Variants in TPO observed in about 807,000 individuals in gnomAD.
The protein encoded by TPO is thyroid peroxidase, also known as thyroid microsomal antigen.
In TPO, 78 loss-of-function variants were observed where a neutral mutation model predicts 96.9. The observed-to-expected ratio is 0.81, with a 90% CI of 0.67 to 0.97. TPO has a LOEUF of 0.97. Ranked by LOEUF, TPO falls within the 50% of genes least tolerant of loss-of-function variation. The pLI is 0.00. For missense variants in TPO, 1,252 were observed against 1,274.8 expected (o/e 0.98, Z 0.27); for synonymous variants, 547 against 538.0 (o/e 1.02, Z -0.23).
chr2:1,514,451 G>A (rs140260498), intron 14 of TPO, among the ~76,000 whole-genome samples: 1 of 152,214 alleles, frequency 6.6e-6, no homozygotes, highest in Non-Finnish European at 1.5e-5. Context: ...AGTGCCCTCT[G>A]TCTGCCCAGG....
chr2:1,493,559 C>T (rs114777867), intron 10 of TPO, among the ~76,000 whole-genome samples: 2,013 of 83,324 alleles, frequency 0.024, 135 homozygotes, highest in African/African-American at 0.088. Context: ...GGACTCTGCC[C>T]GGCATCCGAG....
intron 10 of TPO, 77 bp from the exon 11 acceptor site, chr2:1,493,725 G>A: frequency 6.4e-7 from 1 of 1,551,310 alleles, no homozygotes; most frequent in Non-Finnish European, 8.9e-7. Context: ...CAGTCTCGGG[G>A]ACCATGGCAT....
At chr2:1,479,127 C>T (rs1340142685) in intron 8 of TPO, among the ~76,000 whole-genome samples, 2 of 152,226 alleles carry the variant, frequency 1.3e-5, no homozygotes, top group Non-Finnish European at 2.9e-5. Flanking sequence ...GGAATATAAA[C>T]CCAGGAGCTG....
intron 8 of TPO, chr2:1,477,975 A>G (rs1425405102): frequency 2.0e-6 from 2 of 985,292 alleles, no homozygotes; most frequent in Admixed American, 6.1e-5. Flanking sequence ...CCCGGTGCGC[A>G]CAGCCAAGCT....
At chr2:1,531,107 T>TC (rs1208608860) in intron 15 of TPO, among the ~76,000 whole-genome samples, 1 of 24,088 alleles carries the variant, frequency 4.2e-5, no homozygotes, top group Non-Finnish European at 7.3e-5. Flanking sequence ...CCTCCCCAAA[T>TC]CCCCCCACTG....
chr2:1,515,974 G>A (rs536758037), intron 14 of TPO, among the ~76,000 whole-genome samples: 4 of 152,026 alleles, frequency 2.6e-5, no homozygotes, highest in Admixed American at 6.6e-5. Flanking sequence ...ATTTCTCCTC[G>A]GCCACCTCGA....
Position 1,477,288 on chromosome 2 carries a change from G to C in TPO, c.1022G>C (p.Arg341Pro). ...TCCCCGGCCCTAGAGAGGCAGCTGC[G>C]GAACTGGACCAGTGCCGAAGGGCTG... Reference protein sequence around the residue: ...GSSPALERQLRNWTSAEGLLR... With the variant: ...GSSPALERQLPNWTSAEGLLR... The change falls in exon 8 of 17, where the codon CGG becomes CCG. Residue 341 changes from arginine to proline, a missense_variant. Coordinates refer to ENST00000329066, the MANE Select transcript of TPO (RefSeq NM_001206744.2). 1 of 1,594,196 alleles carries C rather than the reference G, an allele frequency of 6.3e-7. No individual in the cohort carries two copies. The highest frequency in any genetic ancestry group is 8.5e-7 in the Non-Finnish European group (1 of 1,171,962).
At chr2:1,483,753 C>T (rs1240176020) in intron 8 of TPO, among the ~76,000 whole-genome samples, 2 of 152,150 alleles carry the variant, frequency 1.3e-5, no homozygotes, top group Non-Finnish European at 2.9e-5. Flanking sequence ...AGCGGGACAG[C>T]GAGGGCAGGT....
chr2:1,415,172 A>G (rs1323298308), intron 2 of TPO, among the ~76,000 whole-genome samples: 2 of 143,288 alleles, frequency 1.4e-5, no homozygotes, highest in African/African-American at 2.7e-5. Flanking sequence ...AGCAGGTGAC[A>G]CCTCGCCGGG....
At chr2:1,507,453 G>A (rs1286814245) in intron 14 of TPO, among the ~76,000 whole-genome samples, 1 of 152,142 alleles carries the variant, frequency 6.6e-6, no homozygotes, top group Non-Finnish European at 1.5e-5. Context: ...GGATGGCATT[G>A]AATCTATAAA....
chr2:1,491,933 G>A (rs1671804017), intron 10 of TPO, among the ~76,000 whole-genome samples: 1 of 152,228 alleles, frequency 6.6e-6, no homozygotes, highest in Non-Finnish European at 1.5e-5. Flanking sequence ...ACTGTGGACA[G>A]CAGGAGTCAG....
chr2:1,400,766 G>T (rs928549290), intron 1 of TPO, among the ~76,000 whole-genome samples: 1 of 152,132 alleles, frequency 6.6e-6, no homozygotes, highest in Non-Finnish European at 1.5e-5. Context: ...TTATCAGCAA[G>T]AATTGAAAAT....
chr2:1,517,952 T>A (rs28913019), intron 15 of TPO, among the ~76,000 whole-genome samples: 1 of 151,060 alleles, frequency 6.6e-6, no homozygotes, highest in South Asian at 2.1e-4. Context: ...CCCCCCCCAA[T>A]ATGCCCTGTG....
chr2:1,394,434 C>T (rs569312246), intron 1 of TPO, among the ~76,000 whole-genome samples: 19 of 152,332 alleles, frequency 1.2e-4, no homozygotes, highest in African/African-American at 3.8e-4. Context: ...GCTGGCCCAG[C>T]CACCACAGGA....
intron 2 of TPO, 117 bp from the exon 3 acceptor site, chr2:1,422,928 G>A: frequency 8.9e-7 from 1 of 1,117,634 alleles, no homozygotes; most frequent in East Asian, 2.5e-5. Flanking sequence ...CTGCCTGCCT[G>A]TCCCGGAAGC....
At chr2:1,482,485 TG>T (rs1035325989) in intron 8 of TPO, among the ~76,000 whole-genome samples, 22 of 152,200 alleles carry the variant, frequency 1.4e-4, no homozygotes, top group Admixed American at 9.8e-4. Flanking sequence ...GAAGAAGACA[TG>T]GCCCACCTGG....
chr2:1,451,557 C>T (rs1168555883), intron 5 of TPO, among the ~76,000 whole-genome samples: 1 of 152,124 alleles, frequency 6.6e-6, no homozygotes, highest in East Asian at 1.9e-4. Context: ...ACTCTTTTGT[C>T]ATGTGCCTTG....
intron 13 of TPO, 98 bp downstream of exon 13, chr2:1,496,863 T>G (rs558353985): frequency 1.3e-6 from 2 of 1,563,286 alleles, no homozygotes; most frequent in Non-Finnish European, 1.7e-6. Flanking sequence ...CAAAAGGTGC[T>G]TCTGAAACTG....
chr2:1,450,420 C>T (rs994681285), intron 5 of TPO, among the ~76,000 whole-genome samples: 1 of 152,216 alleles, frequency 6.6e-6, no homozygotes, highest in African/African-American at 2.4e-5. Context: ...GGAGCCTCAG[C>T]AGGAGCACAG....
Sources: gnomAD v4.1 joint callset for allele counts (sites outside exome capture counted in the v4.1 genomes callset) on GRCh38, gnomAD v4.1.1 for gene constraint, MANE v1.5 for transcripts, NCBI Gene and HGNC (gene_info 2026-07-23, HGNC 2026-07-21) for gene names.